NCK2: variants seen among roughly 807,000 people sequenced by gnomAD.
NCK2 encodes the protein NCK adaptor protein 2.
A neutral mutation model predicts 33.9 loss-of-function variants in NCK2; 16 were observed. The ratio of observed to expected loss-of-function variants is 0.47; its 90% confidence interval spans 0.32 to 0.72. The LOEUF is 0.72. Among genes scored for constraint, NCK2 ranks in the 30% least tolerant of loss-of-function variants. NCK2 has a pLI of 0.03. For synonymous variants in NCK2, 273 were observed against 239.9 expected, an observed-to-expected ratio of 1.14 and a Z score of -1.27; for missense variants, 418 against 537.3, an observed-to-expected ratio of 0.78 and a Z score of 2.19.
At chr2:105,780,495 T>C (rs947791196) in intron 1 of NCK2, among the ~76,000 whole-genome samples, 1 of 152,212 alleles carries the variant, frequency 6.6e-6, no homozygotes, top group Admixed American at 6.5e-5. Context: ...CACATCCATA[T>C]AGATGTTGAA....
At chr2:105,810,309 A>AT (rs1395757180) in intron 1 of NCK2, among the ~76,000 whole-genome samples, 1 of 151,904 alleles carries the variant, frequency 6.6e-6, no homozygotes, top group Non-Finnish European at 1.5e-5. Context: ...AAAAAACAAA[A>AT]GTGTGTGTGT....
intron 3 of NCK2, among the ~76,000 whole-genome samples, chr2:105,873,625 G>A (rs953905476): frequency 1.3e-5 from 2 of 152,210 alleles, no homozygotes; most frequent in African/African-American, 4.8e-5. Context: ...GGATGGTTGG[G>A]GAGAGGAACA....
At chr2:105,770,233 A>G (rs1453790312) in intron 1 of NCK2, among the ~76,000 whole-genome samples, 2 of 152,178 alleles carry the variant, frequency 1.3e-5, no homozygotes, top group East Asian at 3.8e-4. Context: ...ACTTCAAAAA[A>G]ATGTTAATAT....
intron 3 of NCK2, among the ~76,000 whole-genome samples, chr2:105,865,818 CAG>C (rs1203353652): frequency 6.6e-6 from 1 of 152,146 alleles, no homozygotes; most frequent in African/African-American, 2.4e-5. Context: ...TTTCTGCAAA[CAG>C]ATATTCCTCA....
chr2:105,837,624 T>A (rs935214138), intron 2 of NCK2, among the ~76,000 whole-genome samples: 9 of 152,200 alleles, frequency 5.9e-5, no homozygotes, highest in African/African-American at 1.9e-4. Context: ...TAAGTAGAAG[T>A]GGAGCTGCTG....
rs138235431 is a variant in NCK2, at chr2:105,760,336, G to A, written c.-201+15198G>A. On this transcript the variant is annotated intron_variant, in intron 1 of 4. Coordinates refer to ENST00000233154, the MANE Select transcript of NCK2 (RefSeq NM_003581.5). ...GGGCTGTGGAGAAATGCAAATTCCG[G>A]GGAACTGCCTGACTTCCCGCGTGGG... Among the ~76,000 whole-genome samples the A allele has an allele frequency of 6.1e-3, 931 of 152,268 alleles. 5 individuals carry two copies. Among genetic ancestry groups the A allele is most frequent in the Non-Finnish European group, 9.0e-3 (614 of 68,026 alleles).
chr2:105,802,983 A>T (rs1041140907), intron 1 of NCK2, among the ~76,000 whole-genome samples: 2 of 151,908 alleles, frequency 1.3e-5, no homozygotes, highest in African/African-American at 4.8e-5. Flanking sequence ...TACTTGTTGG[A>T]TGAATTAACT....
chr2:105,835,447 A>T (rs1676394143), intron 2 of NCK2, among the ~76,000 whole-genome samples: 1 of 127,480 alleles, frequency 7.8e-6, no homozygotes, highest in Non-Finnish European at 1.7e-5. Context: ...CAGCATTTTG[A>T]ATATATCATA....
At chr2:105,858,763 C>T (rs1409648218) in intron 3 of NCK2, among the ~76,000 whole-genome samples, 4 of 152,212 alleles carry the variant, frequency 2.6e-5, no homozygotes, top group Non-Finnish European at 5.9e-5. Flanking sequence ...TGAGGAAAGA[C>T]GTGAGAACCT....
At chr2:105,780,547 A>G (rs901674380) in intron 1 of NCK2, among the ~76,000 whole-genome samples, 1 of 152,176 alleles carries the variant, frequency 6.6e-6, no homozygotes, top group Non-Finnish European at 1.5e-5. Flanking sequence ...CCTGGGCACT[A>G]TTGAGAGTGG....
At chr2:105,812,901 T>G (rs926220051) in intron 1 of NCK2, among the ~76,000 whole-genome samples, 1 of 152,006 alleles carries the variant, frequency 6.6e-6, no homozygotes, top group Non-Finnish European at 1.5e-5. Context: ...TTCATGGGCT[T>G]GCTTCTTGAT....
rs114837130 is a variant in NCK2 at position 105,778,053 on chromosome 2, G to T, written c.-201+32915G>T. ...CTCACCTTCTTCAGCTGTGCTTGGA[G>T]GAGCTGCCAAAGTGGCAGTAAAAGA... On this transcript the variant is annotated intron_variant, in intron 1 of 4. Coordinates refer to ENST00000233154, the MANE Select transcript of NCK2 (RefSeq NM_003581.5). Among the ~76,000 whole-genome samples, 1,490 of 152,310 alleles carry T rather than the reference G, an allele frequency of 9.8e-3. 28 individuals are homozygous for T. Among genetic ancestry groups the T allele is most frequent in the African/African-American group, 0.033 (1,364 of 41,572 alleles).
chr2:105,820,566 G>A (rs1224416631), intron 2 of NCK2, among the ~76,000 whole-genome samples: 3 of 152,144 alleles, frequency 2.0e-5, no homozygotes, highest in Non-Finnish European at 4.4e-5. Flanking sequence ...GGGACCCTGC[G>A]GCTCTGACCC....
At chr2:105,830,693 G>GTGTGTGTGTGTGTGTGTA (rs59155187) in intron 2 of NCK2, among the ~76,000 whole-genome samples, 6,410 of 147,874 alleles carry the variant, frequency 0.043, 233 homozygotes, top group African/African-American at 0.1. Context: ...GTGTGTGTGT[G>GTGTGTGTGTGTGTGTGTA]TGTGTGTGTG....
At chr2:105,800,025 C>G (rs892032874) in intron 1 of NCK2, among the ~76,000 whole-genome samples, 4 of 152,178 alleles carry the variant, frequency 2.6e-5, no homozygotes, top group African/African-American at 9.7e-5. Flanking sequence ...TTGGAAACAC[C>G]ATCTTTGTTC....
Position 105,750,409 on chromosome 2 carries a change from C to T in NCK2, c.-201+5271C>T, listed in dbSNP as rs1573549416. Among the ~76,000 whole-genome samples the T allele has an allele frequency of 2.6e-5, 4 of 152,184 alleles. No individual in the cohort carries two copies. In the East Asian group the frequency reaches 7.7e-4, roughly 29 times the overall value. On this transcript the variant is annotated intron_variant, in intron 1 of 4. Coordinates refer to ENST00000233154, the MANE Select transcript of NCK2 (RefSeq NM_003581.5). ...TAGTCACTTAGGGGTTAGGGCTTTA[C>T]CATATGAATTTAGGGTGGACAATTC...
chr2:105,839,657 G>A (rs748792551), intron 2 of NCK2, among the ~76,000 whole-genome samples: 1 of 152,212 alleles, frequency 6.6e-6, no homozygotes, highest in Non-Finnish European at 1.5e-5. Context: ...GAGATTTGAA[G>A]TGCATGTTAG....
intron 1 of NCK2, among the ~76,000 whole-genome samples, chr2:105,780,773 C>A (rs1250824590): frequency 6.6e-6 from 1 of 152,218 alleles, no homozygotes; most frequent in East Asian, 1.9e-4. Flanking sequence ...AGGGCCCCCT[C>A]ACCCCTTCAG....
At chr2:105,818,000 C>T (rs1429511930) in intron 2 of NCK2, among the ~76,000 whole-genome samples, 2 of 151,910 alleles carry the variant, frequency 1.3e-5, no homozygotes, top group Non-Finnish European at 2.9e-5. Flanking sequence ...TGCAGCACTA[C>T]TCATAATAGC....
Sources: gnomAD v4.1 joint callset for allele counts (sites outside exome capture counted in the v4.1 genomes callset) on GRCh38, gnomAD v4.1.1 for gene constraint, MANE v1.5 for transcripts, NCBI Gene and HGNC (gene_info 2026-07-23, HGNC 2026-07-21) for gene names.